The following SAMMSON variants were observed in gnomAD, a reference collection of about 807,000 sequenced individuals.
SAMMSON encodes long intergenic non-protein coding RNA 1212.
intron 3 of SAMMSON, among the ~76,000 whole-genome samples, chr3:70,039,284 A>G (rs772672827): frequency 6.6e-6 from 1 of 152,120 alleles, no homozygotes; most frequent in African/African-American, 2.4e-5. Flanking sequence ...GGAACCTACT[A>G]TAATAGCTAA....
intron 4 of SAMMSON, among the ~76,000 whole-genome samples, chr3:70,223,363 T>C (rs186561607): frequency 6.6e-6 from 1 of 152,326 alleles, no homozygotes; most frequent in African/African-American, 2.4e-5. Flanking sequence ...CACAGATTCC[T>C]TAAAAATCAA....
chr3:70,036,996 A>G (rs2067087795), intron 3 of SAMMSON, among the ~76,000 whole-genome samples: 2 of 152,082 alleles, frequency 1.3e-5, no homozygotes, highest in Admixed American at 1.3e-4. Context: ...TGATTAATAG[A>G]ATGTCAAAAG....
At chr3:70,186,500 T>C (rs1203199713) in intron 4 of SAMMSON, among the ~76,000 whole-genome samples, 1 of 152,118 alleles carries the variant, frequency 6.6e-6, no homozygotes, top group Non-Finnish European at 1.5e-5. Flanking sequence ...GATCTTAAAA[T>C]ATTGGGCTTA....
chr3:70,301,359 A>G (rs540266182), intron 7 of SAMMSON, among the ~76,000 whole-genome samples: 18 of 152,152 alleles, frequency 1.2e-4, no homozygotes, highest in Non-Finnish European at 2.4e-4. Flanking sequence ...TTCCACCCAC[A>G]TTGTTTTTGC....
At chr3:70,180,682 G>A (rs1051784560) in intron 4 of SAMMSON, among the ~76,000 whole-genome samples, 2 of 152,088 alleles carry the variant, frequency 1.3e-5, no homozygotes, top group Admixed American at 1.3e-4. Context: ...GATTACAGAA[G>A]TACACCGTGC....
At chr3:70,113,027 T>C (rs1016953470) in intron 4 of SAMMSON, among the ~76,000 whole-genome samples, 1 of 152,178 alleles carries the variant, frequency 6.6e-6, no homozygotes, top group African/African-American at 2.4e-5. Flanking sequence ...TAACGCTTTA[T>C]AACATCAAAT....
chr3:70,385,851 A>T (rs901017000), intron 9 of SAMMSON, among the ~76,000 whole-genome samples: 2 of 152,106 alleles, frequency 1.3e-5, no homozygotes, highest in Non-Finnish European at 2.9e-5. Flanking sequence ...TGTTTTTTGA[A>T]AAATTCCTGT....
At chr3:70,126,487 C>T (rs2067459536) in intron 4 of SAMMSON, 1 of 642,530 alleles carries the variant, frequency 1.6e-6, no homozygotes, top group Non-Finnish European at 2.9e-6. Context: ...AGTCCTCTTT[C>T]TCCTCAGCGG....
chr3:70,300,770 G>A (rs1445106215), intron 7 of SAMMSON, among the ~76,000 whole-genome samples: 1 of 152,066 alleles, frequency 6.6e-6, no homozygotes, highest in African/African-American at 2.4e-5. Context: ...TTGACCTAGA[G>A]TTCAGTGGCC....
At chr3:70,351,222 A>G (rs939620711) in intron 7 of SAMMSON, among the ~76,000 whole-genome samples, 1 of 152,134 alleles carries the variant, frequency 6.6e-6, no homozygotes, top group Non-Finnish European at 1.5e-5. Flanking sequence ...ATTCAAAAAC[A>G]AAAGGAAGGA....
chr3:70,282,690 C>T lies in SAMMSON; in HGVS notation n.675-8489C>T, dbSNP rs544874831. 1.4e-3 allele frequency among the ~76,000 whole-genome samples: 217 copies of T among 152,276 alleles called. 2 individuals are homozygous for T. Among genetic ancestry groups the T allele is most frequent in the South Asian group, 1.5e-3 (7 of 4,822 alleles). The stretch of plus-strand genomic sequence containing the variant: ...CCAGGATGCTGCCAAATAAGAGAGG[C>T]CTTCCTCGACTACCTTGTCTATGCC... On this transcript the variant is annotated intron_variant and non_coding_transcript_variant, in intron 6 of 9. Coordinates refer to ENST00000642114, the Ensembl canonical transcript of SAMMSON.
intron 6 of SAMMSON, among the ~76,000 whole-genome samples, chr3:70,280,830 C>T (rs771174458): frequency 1.2e-4 from 18 of 152,196 alleles, no homozygotes; most frequent in South Asian, 2.1e-4. Flanking sequence ...ATCCCAGAGA[C>T]GGTACTGCCC....
At position 70,136,725 on chromosome 3, in the gene SAMMSON, G is replaced by A. The variant is rs540409937; in HGVS notation, n.507+65160G>A. Among the ~76,000 whole-genome samples the A allele has an allele frequency of 2.6e-5, 4 of 152,276 alleles. No homozygotes were observed. The South Asian group carries it at 8.3e-4, about 32-fold the overall frequency. On this transcript the variant is annotated intron_variant and non_coding_transcript_variant, in intron 4 of 9. Coordinates refer to ENST00000642114, the Ensembl canonical transcript of SAMMSON. ...TATTTTCTGAAATAAAAATAGCTTAGGAGAATACTGTATTTTATCAAGAGC... is the reference window on the plus strand; with the variant it reads ...TATTTTCTGAAATAAAAATAGCTTAAGAGAATACTGTATTTTATCAAGAGC...
intron 4 of SAMMSON, chr3:70,125,176 T>C: frequency 6.3e-7 from 1 of 1,579,158 alleles, no homozygotes. Context: ...CCTTTAAGGC[T>C]TTTGCTGCTG....
At chr3:70,328,257 C>A (rs1445267661) in intron 7 of SAMMSON, among the ~76,000 whole-genome samples, 1 of 152,120 alleles carries the variant, frequency 6.6e-6, no homozygotes, top group African/African-American at 2.4e-5. Context: ...CACAGCCCAA[C>A]CATATCAGTC....
At chr3:70,224,531 G>A (rs1193640807) in intron 4 of SAMMSON, among the ~76,000 whole-genome samples, 1 of 152,158 alleles carries the variant, frequency 6.6e-6, no homozygotes, top group Non-Finnish European at 1.5e-5. Context: ...GCACCCTGCA[G>A]AGGATACATT....
rs190635001 is a variant in SAMMSON at position 70,167,080 on chromosome 3, A to G, written n.508-82027A>G. On this transcript the variant is annotated intron_variant and non_coding_transcript_variant, in intron 4 of 9. Coordinates refer to ENST00000642114, the Ensembl canonical transcript of SAMMSON. ...TTTAATACTACATTTTATTTAACTC[A>G]TATATCCAAAATATTATTCTTTCCT... Among the ~76,000 whole-genome samples the G allele has an allele frequency of 2.6e-5, 4 of 152,034 alleles. 1 individual carries two copies. Among genetic ancestry groups the G allele is most frequent in the Admixed American group, 2.6e-4 (4 of 15,234 alleles).
chr3:70,102,738 C>T (rs986882153), intron 4 of SAMMSON, among the ~76,000 whole-genome samples: 1 of 152,168 alleles, frequency 6.6e-6, no homozygotes, highest in Non-Finnish European at 1.5e-5. Flanking sequence ...TGACCCTGGT[C>T]TCTAAATGCG....
At chr3:70,343,561 C>G (rs1702727991) in intron 7 of SAMMSON, among the ~76,000 whole-genome samples, 1 of 152,160 alleles carries the variant, frequency 6.6e-6, no homozygotes, top group African/African-American at 2.4e-5. Flanking sequence ...CAGTGTGATT[C>G]TTCTCACATT....
Sources: gnomAD v4.1 joint callset for allele counts (sites outside exome capture counted in the v4.1 genomes callset) on GRCh38, gnomAD v4.1.1 for gene constraint, MANE v1.5 for transcripts, NCBI Gene and HGNC (gene_info 2026-07-23, HGNC 2026-07-21) for gene names.